The following UNC13C variants were observed in gnomAD, a reference collection of about 807,000 sequenced individuals.
UNC13C encodes protein unc-13 homolog C.
In UNC13C, 174 loss-of-function variants were observed where a neutral mutation model predicts 245.4. The ratio of observed to expected loss-of-function variants is 0.71; its 90% CI spans 0.63 to 0.80. The LOEUF (loss-of-function observed/expected upper bound fraction) is 0.80. Ranked by LOEUF, UNC13C falls within the 30% of genes least tolerant of loss-of-function variation. The pLI, the probability that UNC13C is intolerant of heterozygous loss-of-function variation, is 0.00. For synonymous variants in UNC13C, 992 were observed against 895.1 expected (o/e 1.11, Z -1.93); for missense variants, 2,829 against 2,602.9 (o/e 1.09, Z -1.89).
At chr15:54,068,878 C>T (rs559013547) in intron 2 of UNC13C, among the ~76,000 whole-genome samples, 3 of 152,010 alleles carry the variant, frequency 2.0e-5, no homozygotes, top group Non-Finnish European at 2.9e-5. Flanking sequence ...GACAGGTCAC[C>T]GTGCACAGGG....
the UNC13C span, among the ~76,000 whole-genome samples, chr15:53,845,939 A>G: frequency 6.6e-6 from 1 of 152,112 alleles, no homozygotes; most frequent in African/African-American, 2.4e-5. Flanking sequence ...ACAATGCTAC[A>G]AAAGCCTTAC....
At chr15:54,557,023 A>C (rs1000912251) in intron 29 of UNC13C, among the ~76,000 whole-genome samples, 2 of 152,000 alleles carry the variant, frequency 1.3e-5, no homozygotes, top group African/African-American at 4.8e-5. Flanking sequence ...GTTGATCCTC[A>C]AGCAAATTCC....
chr15:53,962,727 A>G, the UNC13C span, among the ~76,000 whole-genome samples: 63 of 152,356 alleles, frequency 4.1e-4, no homozygotes, highest in African/African-American at 1.4e-3. Context: ...AGAGAGGAAT[A>G]GACTGGAGCA....
At chr15:54,035,836 G>A (rs1442583869) in intron 2 of UNC13C, among the ~76,000 whole-genome samples, 1 of 152,092 alleles carries the variant, frequency 6.6e-6, no homozygotes, top group African/African-American at 2.4e-5. Context: ...GTTTCACAAG[G>A]TGGGGAGGTA....
chr15:54,283,667 T>C (rs2037059728), intron 10 of UNC13C, among the ~76,000 whole-genome samples: 1 of 151,858 alleles, frequency 6.6e-6, no homozygotes, highest in African/African-American at 2.4e-5. Context: ...AAAATCTAAG[T>C]GCCTAGAACA....
At chr15:53,879,825 T>A in the UNC13C span, among the ~76,000 whole-genome samples, 22 of 152,278 alleles carry the variant, frequency 1.4e-4, no homozygotes, top group Admixed American at 2.6e-4. Flanking sequence ...GACCTCACGA[T>A]CCACCTGCCT....
At chr15:54,410,731 C>A (rs1458371670) in intron 18 of UNC13C, among the ~76,000 whole-genome samples, 1 of 151,794 alleles carries the variant, frequency 6.6e-6, no homozygotes, top group Non-Finnish European at 1.5e-5. Context: ...TTTCTTGGTG[C>A]CAGTATCATG....
chr15:54,181,677 G>C (rs986350977), intron 4 of UNC13C, among the ~76,000 whole-genome samples: 15 of 151,838 alleles, frequency 9.9e-5, no homozygotes, highest in African/African-American at 2.9e-4. Context: ...CCAATGTATA[G>C]AGCATGGTAT....
Position 54,120,918 on chromosome 15 carries a change from G to A in UNC13C, c.2984-22100G>A, listed in dbSNP as rs570987116. ...CAAACTCATGATTAAACTTCAGTGA[G>A]TGAGGAGTTGCTTCTTATGGATGAG... On this transcript the variant is annotated intron_variant, in intron 2 of 32. Coordinates refer to ENST00000260323, the MANE Select transcript of UNC13C (RefSeq NM_001080534.3). Among the ~76,000 whole-genome samples the A allele has an allele frequency of 1.8e-3, 275 of 152,282 alleles. 3 individuals are homozygous for A. Among genetic ancestry groups the A allele is most frequent in the African/African-American group, 6.1e-3 (252 of 41,578 alleles).
the UNC13C span, among the ~76,000 whole-genome samples, chr15:53,959,883 T>G: frequency 6.6e-6 from 1 of 152,320 alleles, no homozygotes; most frequent in East Asian, 1.9e-4. Context: ...TGCAATAAAT[T>G]GAAGAAGCAG....
At chr15:54,448,013 G>A (rs988722869) in intron 19 of UNC13C, among the ~76,000 whole-genome samples, 2 of 152,134 alleles carry the variant, frequency 1.3e-5, no homozygotes, top group African/African-American at 2.4e-5. Flanking sequence ...CTTTATTTCT[G>A]CCTTCATTTC....
intron 8 of UNC13C, among the ~76,000 whole-genome samples, chr15:54,256,859 A>G (rs919835869): frequency 6.6e-6 from 1 of 152,224 alleles, no homozygotes; most frequent in African/African-American, 2.4e-5. Context: ...TGGTTTACGC[A>G]GTGCTATGTT....
intron 4 of UNC13C, among the ~76,000 whole-genome samples, chr15:54,191,468 C>G (rs528927503): frequency 6.6e-6 from 1 of 152,030 alleles, no homozygotes; most frequent in Non-Finnish European, 1.5e-5. Flanking sequence ...CATTTGAGTT[C>G]GTTCCAAGTC....
At chr15:54,544,336 TATCATACTGA>T (rs1401417431) in intron 26 of UNC13C, among the ~76,000 whole-genome samples, 20 of 152,202 alleles carry the variant, frequency 1.3e-4, no homozygotes, top group African/African-American at 4.8e-4. Flanking sequence ...CCACAGCCAA[TATCATACTGA>T]ATGGGCAAAA....
rs187450229 is a variant in UNC13C at position 54,000,875 on chromosome 15, T to A, written c.-256-11773T>A. Among the ~76,000 whole-genome samples, 178 of 152,318 alleles carry A rather than the reference T, an allele frequency of 1.2e-3. 2 individuals are homozygous for A. Among genetic ancestry groups the A allele is most frequent in the East Asian group, 7.7e-3 (40 of 5,186 alleles). Reference sequence around the variant, plus strand: ...CAGCAATATTCCTAGTTTCTTGTTATACGTATATTTAATGTAATTTTAGCA... The same window carrying A: ...CAGCAATATTCCTAGTTTCTTGTTAAACGTATATTTAATGTAATTTTAGCA... On this transcript the variant is annotated intron_variant, in intron 1 of 32. Coordinates refer to ENST00000260323, the MANE Select transcript of UNC13C (RefSeq NM_001080534.3).
intron 7 of UNC13C, among the ~76,000 whole-genome samples, chr15:54,249,735 G>A (rs2036092084): frequency 6.6e-6 from 1 of 152,110 alleles, no homozygotes; most frequent in South Asian, 2.1e-4. Flanking sequence ...GCTTTCTTAT[G>A]AATTAGGTGA....
chr15:54,548,255 T>A (rs1896581304), intron 27 of UNC13C, among the ~76,000 whole-genome samples: 1 of 127,734 alleles, frequency 7.8e-6, no homozygotes, highest in Non-Finnish European at 1.6e-5. Flanking sequence ...AGAATCTCGC[T>A]CTTTCGCCCA....
Position 54,074,466 on chromosome 15 carries a change from A to G in UNC13C, c.2983+58580A>G, listed in dbSNP as rs150978303. Among the ~76,000 whole-genome samples, 393 of 152,272 alleles carry G rather than the reference A, an allele frequency of 2.6e-3. 2 individuals carry two copies. The Middle Eastern group carries it at 0.034, about 13-fold the overall frequency. On this transcript the variant is annotated intron_variant, in intron 2 of 32. Transcript: ENST00000260323. Reference sequence around the variant, plus strand: ...GCAGTGAGCCTACAGATTACTTTGGAAAGTATGGCCATTTTCACGATATTG... The same window carrying G: ...GCAGTGAGCCTACAGATTACTTTGGGAAGTATGGCCATTTTCACGATATTG...
At chr15:53,969,684 C>CAA in the UNC13C span, among the ~76,000 whole-genome samples, 672 of 95,768 alleles carry the variant, frequency 7.0e-3, 9 homozygotes, top group Middle Eastern at 0.012. Context: ...GGTGCTGTCT[C>CAA]AAAAAAAAAA....
Sources: gnomAD v4.1 joint callset for allele counts (sites outside exome capture counted in the v4.1 genomes callset) on GRCh38, gnomAD v4.1.1 for gene constraint, MANE v1.5 for transcripts, NCBI Gene and HGNC (gene_info 2026-07-23, HGNC 2026-07-21) for gene names.